The following PRKCH variants were observed in gnomAD, a reference collection of about 807,000 sequenced individuals.
PRKCH encodes protein kinase C eta type.
Under a neutral mutation model 82.5 loss-of-function variants are expected in PRKCH, and 28 were observed. The observed-to-expected ratio is 0.34, with a 90% CI of 0.25 to 0.47. PRKCH has a LOEUF of 0.47. PRKCH is among the 20% of genes least tolerant of loss of function. The pLI, the probability that PRKCH is intolerant of heterozygous loss-of-function variation, is 1.00. For synonymous variants in PRKCH, 322 were observed against 327.4 expected, an observed-to-expected ratio of 0.98 and a Z score of 0.18; for missense variants, 705 against 881.8, an observed-to-expected ratio of 0.80 and a Z score of 2.54.
chr14:61,519,643 A>C (rs2042877373), intron 10 of PRKCH, among the ~76,000 whole-genome samples: 1 of 151,448 alleles, frequency 6.6e-6, no homozygotes, highest in Non-Finnish European at 1.5e-5. Context: ...CGTGGTCTTC[A>C]GCAAGATATT....
At chr14:61,236,815 A>G (rs1258502223) in intron 1 of PRKCH, among the ~76,000 whole-genome samples, 2 of 151,700 alleles carry the variant, frequency 1.3e-5, no homozygotes, top group African/African-American at 2.4e-5. Flanking sequence ...CTACACACCC[A>G]TCAGCACCAC....
At chr14:61,455,485 G>A (rs188839768) in intron 7 of PRKCH, among the ~76,000 whole-genome samples, 69 of 152,298 alleles carry the variant, frequency 4.5e-4, no homozygotes, top group Non-Finnish European at 8.5e-4. Flanking sequence ...AACCTATTAT[G>A]TAAAAAAATG....
chr14:61,457,070 G>T, intron 7 of PRKCH, 106 bp from the exon 8 acceptor site: 2 of 1,248,272 alleles, frequency 1.6e-6, no homozygotes, highest in Non-Finnish European at 2.2e-6. Context: ...TTTCCCCCAC[G>T]TTATACTGGG....
At chr14:61,451,789 G>A (rs1035690446) in intron 6 of PRKCH, among the ~76,000 whole-genome samples, 1 of 152,162 alleles carries the variant, frequency 6.6e-6, no homozygotes, top group Non-Finnish European at 1.5e-5. Context: ...AGGTAGAATT[G>A]GCATGAGTAT....
intron 1 of PRKCH, among the ~76,000 whole-genome samples, chr14:61,223,479 C>A (rs914996201): frequency 3.9e-5 from 6 of 152,186 alleles, no homozygotes; most frequent in Admixed American, 2.0e-4. Flanking sequence ...CCACTGCCTG[C>A]AACCCACAAC....
intron 1 of PRKCH, among the ~76,000 whole-genome samples, chr14:61,210,583 G>A (rs1228639149): frequency 2.6e-5 from 4 of 152,108 alleles, no homozygotes; most frequent in African/African-American, 9.7e-5. Flanking sequence ...TAACCTTCGT[G>A]ATTTAATAAC....
intron 2 of PRKCH, among the ~76,000 whole-genome samples, chr14:61,414,609 T>TG (rs1314720796): frequency 2.7e-5 from 4 of 146,456 alleles, no homozygotes; most frequent in Non-Finnish European, 4.5e-5. Context: ...TTTTTTGAGA[T>TG]GGAGTCTCAC....
At position 61,280,095 on chromosome 14, in the gene PRKCH, CTCCTCGTCGTCGTCG is replaced by C. The variant is rs764804818; in HGVS notation, c.-19+92432_-19+92446del. 1 of 1,607,066 alleles carries C rather than the reference CTCCTCGTCGTCGTCG, an allele frequency of 6.2e-7. No individual in the cohort carries two copies. Among genetic ancestry groups the C allele is most frequent in the Non-Finnish European group, 8.5e-7 (1 of 1,176,560 alleles). ...AGGGATCCCTGGAAAGCCGGAATCACTCCTCGTCGTCGTCGTCCTGGTCCTGGTAGCGAATGTAGA... is the reference window on the plus strand; with the variant it reads ...AGGGATCCCTGGAAAGCCGGAATCACTCCTGGTCCTGGTAGCGAATGTAGA... On this transcript the variant is annotated intron_variant, in intron 1 of 3. Transcript: ENST00000555185. The surrounding 1 kb of genome is among the most constrained non-coding windows in gnomAD (Gnocchi z 5.0).
intron 1 of PRKCH, among the ~76,000 whole-genome samples, chr14:61,371,323 TA>T (rs949031092): frequency 1.3e-5 from 2 of 152,086 alleles, no homozygotes; most frequent in Admixed American, 6.5e-5. Context: ...TATTACTAAT[TA>T]AACTTCATAG....
rs530194166 is a variant in PRKCH, at chr14:61,549,912, C to A, written c.*81C>A. 142 of 1,455,454 alleles carry A rather than the reference C, an allele frequency of 9.8e-5. 1 individual carries two copies. The South Asian group carries it at 1.7e-3, about 18-fold the overall frequency. 90.2% of individuals were successfully genotyped at this position (1,455,454 alleles called of 1,614,324 possible). A position where few individuals can be genotyped will look rare whatever the true frequency, so the allele number is the denominator to read the frequency against. Reference sequence around the variant, plus strand: ...AGGAATTTCCTCTATGGGACCTTCCCAGCATCAGCCTTAGAACAAGAACCT... The same window carrying A: ...AGGAATTTCCTCTATGGGACCTTCCAAGCATCAGCCTTAGAACAAGAACCT... On this transcript the variant is annotated 3_prime_UTR_variant, in exon 14 of 14. Transcript: ENST00000332981.
intron 1 of PRKCH, among the ~76,000 whole-genome samples, chr14:61,381,172 T>G (rs2046504643): frequency 6.6e-6 from 1 of 152,192 alleles, no homozygotes; most frequent in Non-Finnish European, 1.5e-5. Flanking sequence ...CGAAGCCAGG[T>G]GACTTCCCCT....
At chr14:61,466,587 T>G (rs2140306349) in intron 9 of PRKCH, among the ~76,000 whole-genome samples, 1 of 152,312 alleles carries the variant, frequency 6.6e-6, no homozygotes, top group South Asian at 2.1e-4. Context: ...GGAGACCCAG[T>G]TTATGGAAGC....
chr14:61,275,160 A>G (rs560558116), intron 1 of PRKCH, among the ~76,000 whole-genome samples: 6 of 152,364 alleles, frequency 3.9e-5, no homozygotes, highest in South Asian at 4.1e-4. Context: ...GAAAATACTC[A>G]TGGTCCATTC....
intron 10 of PRKCH, among the ~76,000 whole-genome samples, chr14:61,502,099 C>G (rs1420235778): frequency 7.2e-6 from 1 of 138,260 alleles, no homozygotes; most frequent in African/African-American, 2.7e-5. Context: ...TGGAGTCTCA[C>G]TCTCACTCAG....
chr14:61,548,475 C>T (rs954267080), intron 13 of PRKCH, among the ~76,000 whole-genome samples: 11 of 152,340 alleles, frequency 7.2e-5, no homozygotes, highest in African/African-American at 2.4e-4. Context: ...AGCGTGGTCC[C>T]GCTTGTGGTC....
At chr14:61,187,523 A>G (rs2044372386), upstream of PRKCH, 1 of 152,300 alleles carries the variant, frequency 6.6e-6, no homozygotes, top group Non-Finnish European at 1.5e-5. Context: ...TCCAGAGGAA[A>G]AGCCTGGAGT....
At chr14:61,258,183 A>G (rs1172357918) in intron 1 of PRKCH, among the ~76,000 whole-genome samples, 1 of 152,224 alleles carries the variant, frequency 6.6e-6, no homozygotes, top group Non-Finnish European at 1.5e-5. Flanking sequence ...AACCATGTTT[A>G]TGGTCAAAAT....
chr14:61,409,394 C>T (rs1318474777), intron 2 of PRKCH, among the ~76,000 whole-genome samples: 2 of 152,216 alleles, frequency 1.3e-5, no homozygotes, highest in East Asian at 1.9e-4. Flanking sequence ...AGAACCTTCT[C>T]CCTGTAGTTC....
intron 12 of PRKCH, among the ~76,000 whole-genome samples, chr14:61,534,853 G>A (rs1328374271): frequency 6.6e-6 from 1 of 152,202 alleles, no homozygotes; most frequent in Non-Finnish European, 1.5e-5. Flanking sequence ...AAATAAGGCA[G>A]TATACATGAA....
Sources: allele counts gnomAD v4.1 joint callset (sites outside exome capture counted in the v4.1 genomes callset), GRCh38; gene constraint gnomAD v4.1.1; non-coding constraint Gnocchi (gnomAD v3.1); transcripts MANE v1.5; gene names NCBI Gene and HGNC (gene_info 2026-07-23, HGNC 2026-07-21).